The following FBXL20 variants were observed in gnomAD, a reference collection of about 807,000 sequenced individuals.
The protein encoded by FBXL20 is F-box/LRR-repeat protein 20.
Under a neutral mutation model 64.0 loss-of-function variants are expected in FBXL20, and 11 were observed. That is an observed-to-expected ratio of 0.17 (90% CI 0.11 to 0.28). The LOEUF (loss-of-function observed/expected upper bound fraction) is 0.28, where lower values mean the gene tolerates loss of function less well. Ranked by LOEUF, FBXL20 falls within the 10% of genes least tolerant of loss-of-function variation. FBXL20 has a pLI of 1.00. For missense variants in FBXL20, 303 were observed against 526.2 expected (o/e 0.58, Z 4.15); for synonymous variants, 184 against 189.0 (o/e 0.97, Z 0.22).
At chr17:39,344,575 G>A (rs1008979386) in intron 1 of FBXL20, among the ~76,000 whole-genome samples, 26 of 151,468 alleles carry the variant, frequency 1.7e-4, no homozygotes, top group African/African-American at 6.3e-4. Flanking sequence ...CACCTGAGGT[G>A]AGGAGTTCGA....
intron 1 of FBXL20, among the ~76,000 whole-genome samples, chr17:39,396,015 T>C (rs892218712): frequency 1.3e-5 from 2 of 150,740 alleles, no homozygotes; most frequent in Non-Finnish European, 3.0e-5. Flanking sequence ...GTGGGGTTTT[T>C]TTTTTTTTTT....
intron 2 of FBXL20, among the ~76,000 whole-genome samples, chr17:39,311,846 A>C (rs2047238023): frequency 6.6e-6 from 1 of 152,170 alleles, no homozygotes; most frequent in South Asian, 2.1e-4. Flanking sequence ...CAATGATCCT[A>C]ATTAGACTTT....
At position 39,401,494 on chromosome 17, in the gene FBXL20, G is replaced by A. The variant is rs2048244305; in HGVS notation, c.-92C>T. 3 of 1,508,794 alleles carry A rather than the reference G, an allele frequency of 2.0e-6. No individual in the cohort carries two copies. The highest frequency in any genetic ancestry group is 1.4e-5 in the African/African-American group (1 of 70,468). 93.5% of individuals were successfully genotyped at this position (1,508,794 alleles called of 1,614,324 possible). On this transcript the variant is annotated 5_prime_UTR_variant, in exon 1 of 15. Transcript: ENST00000264658. ...ACAGGCCCGGGAGTTCCGGGACGGGGACTGGGCGCCGGAGGGGTGACGCCG... is the reference window on the plus strand; with the variant it reads ...ACAGGCCCGGGAGTTCCGGGACGGGAACTGGGCGCCGGAGGGGTGACGCCG...
chr17:39,383,379 G>A (rs948476446), intron 1 of FBXL20, among the ~76,000 whole-genome samples: 1 of 151,924 alleles, frequency 6.6e-6, no homozygotes, highest in Non-Finnish European at 1.5e-5. Context: ...TTAACATTTT[G>A]GAAGGCTGAG....
Position 39,295,664 on chromosome 17 carries a change from A to G in FBXL20, c.398+1463T>C, listed in dbSNP as rs1371474892. On this transcript the variant is annotated intron_variant, in intron 6 of 14. Transcript: ENST00000264658. ...GCTATTAAACGATAAAACATAATTC[A>G]GAGTTCTCCCTTTTATCTCTTTCCC... 2.6e-5 allele frequency among the ~76,000 whole-genome samples: 4 copies of G among 152,126 alleles called. No homozygotes were observed. The East Asian group carries it at 7.7e-4, about 29-fold the overall frequency.
At chr17:39,384,215 C>G (rs1438231627) in intron 1 of FBXL20, among the ~76,000 whole-genome samples, 2 of 152,032 alleles carry the variant, frequency 1.3e-5, no homozygotes, top group South Asian at 2.1e-4. Context: ...GCCTGGGTGG[C>G]AGAGAGAAAC....
At chr17:39,298,288 A>T (rs1420166071) in intron 5 of FBXL20, among the ~76,000 whole-genome samples, 1 of 151,950 alleles carries the variant, frequency 6.6e-6, no homozygotes, top group East Asian at 1.9e-4. Context: ...CTGGCTAATT[A>T]AAAAAAGTTT....
Position 39,261,383 on chromosome 17 carries a change from TTCCACTGGAGAGAC to T in FBXL20, c.*63_*76del. 8.3e-7 allele frequency: 1 copy of T among 1,206,148 alleles called. No homozygotes were observed. The allele number at this position is 1,206,148 out of a possible 1,614,324, so 74.7% of individuals were successfully genotyped here. A position where few individuals can be genotyped will look rare whatever the true frequency, so the allele number is the denominator to read the frequency against. On this transcript the variant is annotated 3_prime_UTR_variant, in exon 15 of 15. Coordinates refer to ENST00000264658, the MANE Select transcript of FBXL20 (RefSeq NM_032875.3). ...CCCTTGCTCAGAACACTGGGGTTGC[TTCCACTGGAGAGAC>T]TCCACGGTAGCTCTAGAAGTGTCAT...
At chr17:39,343,695 CTT>C (rs66827882) in intron 1 of FBXL20, among the ~76,000 whole-genome samples, 1,929 of 134,482 alleles carry the variant, frequency 0.014, 42 homozygotes, top group African/African-American at 0.048. Context: ...GGCGAAAACT[CTT>C]TTTTTTTTTT....
chr17:39,385,227 ACACACACGCGCGTGCGTG>A (rs1167461732), intron 1 of FBXL20, among the ~76,000 whole-genome samples: 2 of 151,348 alleles, frequency 1.3e-5, no homozygotes, highest in African/African-American at 4.8e-5. Context: ...GTCTCTAGAA[ACACACACGCGCGTGCGTG>A]CACACACACA....
chr17:39,399,756 CAG>C (rs35748578), intron 1 of FBXL20, among the ~76,000 whole-genome samples: 4,900 of 152,130 alleles, frequency 0.032, 275 homozygotes, highest in African/African-American at 0.11. Context: ...GCCACCCCTA[CAG>C]AGATTGTAAA....
At chr17:39,373,282 G>T (rs1455042138) in intron 1 of FBXL20, among the ~76,000 whole-genome samples, 2 of 152,014 alleles carry the variant, frequency 1.3e-5, no homozygotes, top group African/African-American at 4.8e-5. Context: ...TTATTTGACT[G>T]GCAAATCATG....
intron 1 of FBXL20, among the ~76,000 whole-genome samples, chr17:39,391,335 T>C (rs2048131760): frequency 6.6e-6 from 1 of 151,502 alleles, no homozygotes; most frequent in Non-Finnish European, 1.5e-5. Context: ...TTACAAAGTC[T>C]AACTGGCTTT....
At chr17:39,317,703 T>G (rs1453925040) in intron 2 of FBXL20, among the ~76,000 whole-genome samples, 2 of 61,126 alleles carry the variant, frequency 3.3e-5, no homozygotes, top group African/African-American at 1.5e-4. Context: ...TTTTTTTTGT[T>G]TTTTTTTTTT....
chr17:39,399,917 A>C (rs2048225089), intron 1 of FBXL20, among the ~76,000 whole-genome samples: 1 of 152,200 alleles, frequency 6.6e-6, no homozygotes, highest in South Asian at 2.1e-4. Flanking sequence ...TCCCCGACTC[A>C]AATCTTCAGT....
In FBXL20 at chr17:39,261,509, G is replaced by A. The variant is rs747646686; in HGVS notation, c.1262C>T (p.Ser421Leu). ...GAAGCGCTGTCTGCTGCCCCCTACT[G>A]ATGGGGGTGGAGTGACAGGTGCGAA... ...AYFAPVTPPP[S>L]VGGSRQRFCR... is the part of the protein sequence containing the mutation. The change falls in exon 15 of 15, where the codon TCA becomes TTA. Residue 421 changes from serine (S) to leucine (L), a missense_variant. By Grantham distance (145) the Ser-to-Leu change is moderately radical. Transcript: ENST00000264658. 1 of 1,614,066 alleles carries A rather than the reference G, an allele frequency of 6.2e-7. No individual in the cohort carries two copies. Among genetic ancestry groups the A allele is most frequent in the South Asian group, 1.1e-5 (1 of 91,074 alleles).
At chr17:39,361,697 T>C (rs1216229670) in intron 1 of FBXL20, among the ~76,000 whole-genome samples, 5 of 152,012 alleles carry the variant, frequency 3.3e-5, no homozygotes, top group Admixed American at 3.3e-4. Context: ...CTCGGGAGGC[T>C]GAGGCAGGAG....
chr17:39,378,767 G>A (rs1041636149), intron 1 of FBXL20, among the ~76,000 whole-genome samples: 1 of 151,252 alleles, frequency 6.6e-6, no homozygotes, highest in Non-Finnish European at 1.5e-5. Context: ...CCACCACCAC[G>A]CCCAGCTAAT....
intron 10 of FBXL20, among the ~76,000 whole-genome samples, chr17:39,273,125 C>A (rs2046861308): frequency 6.6e-6 from 1 of 152,092 alleles, no homozygotes; most frequent in Non-Finnish European, 1.5e-5. Context: ...TCAGACAGTT[C>A]TCTTGTCTCA....
Sources: gnomAD v4.1 joint callset for allele counts (sites outside exome capture counted in the v4.1 genomes callset) on GRCh38, gnomAD v4.1.1 for gene constraint, MANE v1.5 for transcripts, NCBI Gene and HGNC (gene_info 2026-07-23, HGNC 2026-07-21) for gene names.